The following ZNF81 variants were observed in gnomAD, a reference collection of about 807,000 sequenced individuals.
ZNF81 encodes zinc finger protein 81.
In ZNF81, 5 loss-of-function variants were observed where a neutral mutation model predicts 32.3. That is an observed-to-expected ratio of 0.15 (90% CI 0.08 to 0.33). The LOEUF (loss-of-function observed/expected upper bound fraction) is 0.33, where lower values mean the gene tolerates loss of function less well. Among genes scored for constraint, ZNF81 ranks in the 10% least tolerant of loss-of-function variants. The pLI, the probability that ZNF81 is intolerant of heterozygous loss-of-function variation, is 1.00. For missense variants in ZNF81, 379 were observed against 479.8 expected (o/e 0.79, Z 1.96); for synonymous variants, 163 against 166.8 (o/e 0.98, Z 0.17).
chrX:47,862,590 T>G (rs1280555389), intron 2 of ZNF81, among the ~76,000 whole-genome samples: 2 of 110,433 alleles, frequency 1.8e-5, no homozygotes, highest in African/African-American at 3.3e-5. Flanking sequence ...GAAGAAAGTG[T>G]TGTTTAAAAC....
rs1345708331 is a variant in ZNF81, at chrX:47,924,728, G to T, written c.*8096G>T. On this transcript the variant is annotated 3_prime_UTR_variant, in exon 5 of 5. Coordinates refer to ENST00000338637, the MANE Select transcript of ZNF81 (RefSeq NM_007137.5). ...TTGCTCAGATTTATTTACATTCCAG[G>T]ATAGTAAAGATAGAGAATGTCTCCC... is the stretch of plus-strand genomic sequence containing the variant. Among the ~76,000 whole-genome samples the T allele has an allele frequency of 2.7e-5, 3 of 111,312 alleles. No homozygotes were observed. Among genetic ancestry groups the T allele is most frequent in the African/African-American group, 6.5e-5 (2 of 30,674 alleles).
At chrX:47,849,437 G>A (rs1367854723) in intron 2 of ZNF81, among the ~76,000 whole-genome samples, 1 of 111,623 alleles carries the variant, frequency 9.0e-6, no homozygotes, top group Non-Finnish European at 1.9e-5. Context: ...GGAGGCTGAG[G>A]CGGGTGGATC....
intron 2 of ZNF81, among the ~76,000 whole-genome samples, chrX:47,887,657 T>A (rs1556885953): frequency 9.0e-6 from 1 of 111,227 alleles, no homozygotes; most frequent in South Asian, 3.8e-4. Context: ...TTTTTAAAAA[T>A]TGGGATGGAA....
chrX:47,865,474 T>C (rs989362820), intron 2 of ZNF81, among the ~76,000 whole-genome samples: 1 of 111,876 alleles, frequency 8.9e-6, no homozygotes, highest in East Asian at 2.8e-4. Context: ...TGCCTCCCTT[T>C]GTTAGAGATC....
intron 2 of ZNF81, among the ~76,000 whole-genome samples, chrX:47,870,060 C>T (rs2058574586): frequency 1.8e-5 from 2 of 111,457 alleles, no homozygotes; most frequent in Non-Finnish European, 1.9e-5. Context: ...AGGTGAGCGA[C>T]GGCCTGTCTT....
intron 2 of ZNF81, among the ~76,000 whole-genome samples, chrX:47,874,802 A>G (rs1556884342): frequency 8.9e-6 from 1 of 112,204 alleles, no homozygotes; most frequent in African/African-American, 3.2e-5. Flanking sequence ...TGTCACCTGC[A>G]TATGGGGACA....
chrX:47,845,389 G>C (rs1556880306), intron 1 of ZNF81, among the ~76,000 whole-genome samples: 1 of 111,560 alleles, frequency 9.0e-6, no homozygotes, highest in Non-Finnish European at 1.9e-5. Context: ...GGATATTTTT[G>C]AGTTAATTAA....
Position 47,846,141 on chromosome X carries a change from C to A in ZNF81, c.-127C>A. On this transcript the variant is annotated 5_prime_UTR_variant, in exon 2 of 5. Coordinates refer to ENST00000338637, the MANE Select transcript of ZNF81 (RefSeq NM_007137.5). ...TCTCTGCGGAGTCCCTGGGCCAGAT[C>A]TCACAGTGAAAGCTGCAGGATCTTC... 1 of 811,124 alleles carries A rather than the reference C, an allele frequency of 1.2e-6. No homozygotes were observed. The highest frequency in any genetic ancestry group is 1.8e-6 in the Non-Finnish European group (1 of 553,228). The allele number at this position is 811,124 out of a possible 1,213,427, so 66.8% of individuals were successfully genotyped here.
intron 4 of ZNF81, among the ~76,000 whole-genome samples, chrX:47,898,557 C>T (rs1163440018): frequency 1.8e-5 from 2 of 111,855 alleles, no homozygotes; most frequent in African/African-American, 6.5e-5. Context: ...TCTTCTAGGT[C>T]ATTTGCATTT....
chrX:47,870,846 A>G (rs181060822), intron 2 of ZNF81, among the ~76,000 whole-genome samples: 1 of 112,235 alleles, frequency 8.9e-6, no homozygotes, highest in East Asian at 2.8e-4. Context: ...AGGCATAGTG[A>G]GAGTCTGAAA....
chrX:47,879,308 C>T (rs2058612029), intron 2 of ZNF81, among the ~76,000 whole-genome samples: 1 of 111,530 alleles, frequency 9.0e-6, no homozygotes, highest in Admixed American at 9.5e-5. Flanking sequence ...AAAGCTACAT[C>T]TCTGTGAGTG....
intron 1 of ZNF81, among the ~76,000 whole-genome samples, chrX:47,842,052 G>C (rs782416138): frequency 1.8e-5 from 2 of 111,315 alleles, no homozygotes; most frequent in Non-Finnish European, 3.8e-5. Context: ...AATTTCCCTT[G>C]GGACTTCATC....
At chrX:47,912,780 G>A (rs2058743495) in intron 4 of ZNF81, among the ~76,000 whole-genome samples, 1 of 110,167 alleles carries the variant, frequency 9.1e-6, no homozygotes, top group Admixed American at 9.8e-5. Context: ...TGTGGTCTCA[G>A]TGCTCCCATC....
In ZNF81 at chrX:47,925,227, T is replaced by C. The variant is rs1178798169; in HGVS notation, c.*8595T>C. On this transcript the variant is annotated 3_prime_UTR_variant, in exon 5 of 5. Transcript: ENST00000338637. ...TGATGAGTTTTGACGTGTGCACCTT[T>C]CCAACCATCATGACAATACAAATAA... Among the ~76,000 whole-genome samples the C allele has an allele frequency of 5.4e-5, 6 of 111,602 alleles. No homozygotes were observed. Among genetic ancestry groups the C allele is most frequent in the Non-Finnish European group, 1.1e-4 (6 of 53,087 alleles).
chrX:47,851,399 AC>A (rs67716027), intron 2 of ZNF81, among the ~76,000 whole-genome samples: 44,641 of 110,928 alleles, frequency 0.4, 7,087 homozygotes, highest in East Asian at 0.6. Context: ...CCCAAGCAAC[AC>A]AGTGTCTTGT....
chrX:47,859,215 C>T (rs1488369651), intron 2 of ZNF81, among the ~76,000 whole-genome samples: 1 of 111,096 alleles, frequency 9.0e-6, no homozygotes, highest in Non-Finnish European at 1.9e-5. Context: ...ATTATTATAA[C>T]ACTATTAACT....
In ZNF81 at chrX:47,919,487, C is replaced by A; in HGVS notation, c.*2855C>A. 5.4e-6 allele frequency: 1 copy of A among 185,563 alleles called. No homozygotes were observed. Among genetic ancestry groups the A allele is most frequent in the South Asian group, 8.2e-5 (1 of 12,164 alleles). The allele number at this position is 185,563 out of a possible 1,213,427, so 15.3% of individuals were successfully genotyped here. A position where few individuals can be genotyped will look rare whatever the true frequency, so the allele number is the denominator to read the frequency against. ...TGCATGTTCATGTTTTCCCCTTTAC[C>A]CTTTGTCTTAGTCAGTTTGAGCTGC... On this transcript the variant is annotated 3_prime_UTR_variant, in exon 5 of 5. Coordinates refer to ENST00000338637, the MANE Select transcript of ZNF81 (RefSeq NM_007137.5).
rs782185189 is a variant in ZNF81 at position 47,895,850 on chromosome X, G to A, written c.187G>A (p.Glu63Lys). The A allele has an allele frequency of 7.5e-6, 9 of 1,205,369 alleles. No homozygotes were observed. The highest frequency in any genetic ancestry group is 4.4e-5 in the Admixed American group (2 of 45,627). Residue 63 changes from glutamate to lysine, a missense_variant, in exon 4 of 5, where the codon GAA (glutamate) becomes AAA (lysine). Around this residue, in one of 2 missense-constraint regions of ZNF81, gnomAD observed 277 missense variants for 306.6 expected, o/e 0.90. Transcript: ENST00000338637. ...CTATCGTGTCCTGTTAACAGGGTTCGAAGTTCCTAAACCAGAGGTCATCTT... is the reference window on the plus strand; with the variant it reads ...CTATCGTGTCCTGTTAACAGGGTTCAAAGTTCCTAAACCAGAGGTCATCTT... ...NYSHLLSVGF[E>K]VPKPEVIFKL... is the part of the protein sequence containing the mutation.
intron 1 of ZNF81, chrX:47,841,744 A>G: frequency 2.2e-6 from 1 of 461,536 alleles, no homozygotes; most frequent in Non-Finnish European, 3.7e-6. Flanking sequence ...ATCTTGCTGG[A>G]GGATTACAAG....
Sources: gnomAD v4.1 joint callset for allele counts (sites outside exome capture counted in the v4.1 genomes callset) on GRCh38, gnomAD v4.1.1 for gene constraint, gnomAD v4.1.1 regional missense constraint, MANE v1.5 for transcripts, NCBI Gene and HGNC (gene_info 2026-07-23, HGNC 2026-07-21) for gene names.